Variants in NEO1 observed in about 807,000 individuals in gnomAD.
NEO1 encodes neogenin 1.
A neutral mutation model predicts 159.7 loss-of-function variants in NEO1; 63 were observed. That is an observed-to-expected ratio of 0.39 (90% CI 0.32 to 0.49). The LOEUF is 0.49. Ranked by LOEUF, NEO1 falls within the 20% of genes least tolerant of loss-of-function variation. NEO1 has a pLI of 0.85. For synonymous variants in NEO1, 633 were observed against 662.0 expected (o/e 0.96, Z 0.67); for missense variants, 1,615 against 1,831.0 (o/e 0.88, Z 2.15).
At chr15:73,098,484 C>T (rs2070212056) in intron 1 of NEO1, among the ~76,000 whole-genome samples, 4 of 152,162 alleles carry the variant, frequency 2.6e-5, no homozygotes, top group African/African-American at 7.2e-5. Flanking sequence ...TGTTAATATC[C>T]TACATTTCTT....
intron 7 of NEO1, among the ~76,000 whole-genome samples, chr15:73,215,676 T>A (rs2037836762): frequency 6.6e-6 from 1 of 152,180 alleles, no homozygotes; most frequent in Non-Finnish European, 1.5e-5. Context: ...TTGTTGGATT[T>A]GGTTAGCTAG....
At chr15:73,277,003 T>A (rs2041454556) in intron 21 of NEO1, among the ~76,000 whole-genome samples, 1 of 152,248 alleles carries the variant, frequency 6.6e-6, no homozygotes, top group Non-Finnish European at 1.5e-5. Flanking sequence ...TATTTTATGG[T>A]ATTAAATTTC....
intron 1 of NEO1, among the ~76,000 whole-genome samples, chr15:73,078,032 T>TA (rs1434194582): frequency 6.6e-6 from 1 of 152,108 alleles, no homozygotes; most frequent in Non-Finnish European, 1.5e-5. Context: ...GCATTGGTGA[T>TA]ATGGGCAACA....
At chr15:73,119,518 T>C (rs2071510734) in intron 2 of NEO1, among the ~76,000 whole-genome samples, 1 of 152,232 alleles carries the variant, frequency 6.6e-6, no homozygotes, top group Non-Finnish European at 1.5e-5. Context: ...GTGAGTATTT[T>C]GTGCCCAGAG....
intron 1 of NEO1, 90 bp from the exon 2 acceptor site, chr15:73,116,450 A>T: frequency 9.4e-7 from 1 of 1,058,658 alleles, no homozygotes; most frequent in Non-Finnish European, 1.3e-6. Flanking sequence ...AACAACAGTT[A>T]ATAATTTTTG....
At position 73,174,354 on chromosome 15, in the gene NEO1, C is replaced by T. The variant is rs562244924; in HGVS notation, c.1016-2049C>T. On this transcript the variant is annotated intron_variant, in intron 5 of 28. Transcript: ENST00000261908. Reference sequence around the variant, plus strand: ...GCTGGGAGGCCTCAGAGCTGGTGTGCAGAAAACACCTGCTGGGGTGCTGTG... The same window carrying T: ...GCTGGGAGGCCTCAGAGCTGGTGTGTAGAAAACACCTGCTGGGGTGCTGTG... Among the ~76,000 whole-genome samples the T allele has an allele frequency of 3.3e-5, 5 of 152,144 alleles. No homozygotes were observed. The East Asian group carries it at 7.8e-4, about 24-fold the overall frequency.
chr15:73,164,786 A>C (rs1281966810), intron 5 of NEO1, among the ~76,000 whole-genome samples: 1 of 152,234 alleles, frequency 6.6e-6, no homozygotes, highest in African/African-American at 2.4e-5. Flanking sequence ...AGTGTGCATT[A>C]ATAGGAGAAT....
At chr15:73,291,839 C>T (rs525587) in intron 25 of NEO1, among the ~76,000 whole-genome samples, 131,127 of 152,170 alleles carry the variant, frequency 0.86, 57,383 homozygotes, top group Non-Finnish European at 0.94. Context: ...TTGTTTTTCC[C>T]TTGTGAGAGT....
At chr15:73,203,509 G>T (rs1326157149) in intron 7 of NEO1, among the ~76,000 whole-genome samples, 1 of 152,006 alleles carries the variant, frequency 6.6e-6, no homozygotes, top group Non-Finnish European at 1.5e-5. Context: ...GTTTCCAACT[G>T]TTTTCTTTCT....
Position 73,253,468 on chromosome 15 carries a change from G to T in NEO1, c.1944+19G>T. 6.3e-7 allele frequency: 1 copy of T among 1,579,410 alleles called. No homozygotes were observed. The highest frequency in any genetic ancestry group is 8.6e-7 in the Non-Finnish European group (1 of 1,160,526). ...TTCAAAGGTAAAACTGTATGATGCT[G>T]CTGTTCATTTTTACTGGTATACTGT... On this transcript the variant is annotated intron_variant, in intron 12 of 28. Coordinates refer to ENST00000261908, the MANE Select transcript of NEO1 (RefSeq NM_002499.4).
chr15:73,298,504 T>C lies in NEO1; in HGVS notation c.4058T>C (p.Val1353Ala), dbSNP rs1186818048. ...GGCCAGAGTCTTCCCACTGCCCATG[T>C]TCGCCCTTCCCACCCATTGAAGAGC... ...DSGQSLPTAH[V>A]RPSHPLKSFA... Residue 1353 changes from valine (V) to alanine (A), a missense_variant, in exon 27 of 29, where the codon GTT (valine) becomes GCT (alanine). This residue lies in a region of NEO1 where 471 missense variants were observed against 498.9 expected (regional missense o/e 0.94). Transcript: ENST00000261908. 1.2e-6 allele frequency: 2 copies of C among 1,614,084 alleles called. No individual in the cohort carries two copies. The highest frequency in any genetic ancestry group is 1.7e-6 in the Non-Finnish European group (2 of 1,180,042).
At chr15:73,127,222 C>A (rs150999346) in intron 4 of NEO1, among the ~76,000 whole-genome samples, 1 of 142,304 alleles carries the variant, frequency 7.0e-6, no homozygotes, top group Non-Finnish European at 1.5e-5. Context: ...GAGACCTAGA[C>A]GCCGTCTCAA....
At chr15:73,087,980 T>G (rs932207679) in intron 1 of NEO1, among the ~76,000 whole-genome samples, 3 of 152,072 alleles carry the variant, frequency 2.0e-5, no homozygotes, top group Non-Finnish European at 2.9e-5. Context: ...TCCTGATAAT[T>G]TATTTGACTT....
intron 9 of NEO1, among the ~76,000 whole-genome samples, chr15:73,244,966 A>AC (rs2039690992): frequency 2.1e-5 from 3 of 144,432 alleles, no homozygotes; most frequent in Admixed American, 7.1e-5. Flanking sequence ...AAAAAAAAAA[A>AC]AAAAAAAAAA....
At chr15:73,243,278 A>G (rs888848372) in intron 8 of NEO1, among the ~76,000 whole-genome samples, 2 of 152,212 alleles carry the variant, frequency 1.3e-5, no homozygotes, top group African/African-American at 4.8e-5. Context: ...AAATGCTCAC[A>G]ATCAGACAAA....
At chr15:73,092,369 T>C (rs1054189842) in intron 1 of NEO1, among the ~76,000 whole-genome samples, 1 of 152,216 alleles carries the variant, frequency 6.6e-6, no homozygotes, top group Non-Finnish European at 1.5e-5. Flanking sequence ...ACCTGTTATA[T>C]AAGAGCAAAA....
chr15:73,180,367 T>G (rs966702070), intron 7 of NEO1, among the ~76,000 whole-genome samples: 1 of 152,220 alleles, frequency 6.6e-6, no homozygotes, highest in African/African-American at 2.4e-5. Context: ...TGCTTTTTTC[T>G]TCTTAGGTTT....
chr15:73,262,308 A>G (rs1416610233), intron 15 of NEO1, among the ~76,000 whole-genome samples: 1 of 152,190 alleles, frequency 6.6e-6, no homozygotes, highest in Non-Finnish European at 1.5e-5. Flanking sequence ...AAACATACCA[A>G]TAAAATGAAA....
chr15:73,217,393 G>C (rs2037957347), intron 7 of NEO1, among the ~76,000 whole-genome samples: 1 of 148,506 alleles, frequency 6.7e-6, no homozygotes, highest in Non-Finnish European at 1.5e-5. Context: ...TTTTGGCTTA[G>C]GATTGACTTG....
Sources: allele counts gnomAD v4.1 joint callset (sites outside exome capture counted in the v4.1 genomes callset), GRCh38; gene constraint gnomAD v4.1.1; regional missense constraint gnomAD v4.1.1; transcripts MANE v1.5; gene names NCBI Gene and HGNC (gene_info 2026-07-23, HGNC 2026-07-21).